The following PUS7L variants were observed in gnomAD, a reference collection of about 807,000 sequenced individuals.
PUS7L encodes the protein pseudouridine synthase 7 like, also known as pseudouridylate synthase PUS7L.
In PUS7L, 49 loss-of-function variants were observed where a neutral mutation model predicts 51.1. That is an observed-to-expected ratio of 0.96 (90% CI 0.76 to 1.22). The LOEUF (loss-of-function observed/expected upper bound fraction) is 1.22, where lower values mean the gene tolerates loss of function less well. PUS7L is among the 50% of genes most tolerant of loss of function. The pLI is 0.00. For missense variants in PUS7L, 828 were observed against 820.6 expected (o/e 1.01, Z -0.11); for synonymous variants, 277 against 276.2 (o/e 1.00, Z -0.03).
At chr12:43,734,791 G>GTAAA (rs1375056508) in intron 7 of PUS7L, among the ~76,000 whole-genome samples, 2 of 151,780 alleles carry the variant, frequency 1.3e-5, no homozygotes, top group Non-Finnish European at 2.9e-5. Context: ...TATAAAATGG[G>GTAAA]AATTAAAAAA....
rs957798908 is a variant in PUS7L, at chr12:43,749,330, C to T, written c.911-721G>A. On this transcript the variant is annotated intron_variant, in intron 2 of 8. Coordinates refer to ENST00000344862, the MANE Select transcript of PUS7L (RefSeq NM_031292.5). The stretch of plus-strand genomic sequence containing the variant: ...TGTTCCCCTTGTATGTTCATTGCAG[C>T]GCTATTCAGAATACCGAAGACATGG... Among the ~76,000 whole-genome samples, 7 of 152,186 alleles carry T rather than the reference C, an allele frequency of 4.6e-5. No individual in the cohort carries two copies. The South Asian group carries it at 6.2e-4, about 14-fold the overall frequency.
rs934178439 is a variant in PUS7L, at chr12:43,722,372, G to A, written c.*8004C>T. The A allele has an allele frequency of 6.6e-6, 1 of 151,978 alleles. No individual in the cohort carries two copies. Among genetic ancestry groups the A allele is most frequent in the Non-Finnish European group, 1.5e-5 (1 of 67,960 alleles). The allele number at this position is 151,978 out of a possible 1,614,324, so 9.4% of individuals were successfully genotyped here. On this transcript the variant is annotated 3_prime_UTR_variant, in exon 9 of 9. Transcript: ENST00000344862. ...TGGACTGACTAGAGTGAAAAACGAA[G>A]GCCACCCAGTTAGAACATTATTATA...
At chr12:43,753,340 C>G (rs1938544908) in intron 2 of PUS7L, among the ~76,000 whole-genome samples, 2 of 152,234 alleles carry the variant, frequency 1.3e-5, no homozygotes, top group Admixed American at 1.3e-4. Context: ...TTATTCTTCC[C>G]ATTTTTACAT....
intron 4 of PUS7L, among the ~76,000 whole-genome samples, chr12:43,743,335 G>A (rs769270762): frequency 6.6e-6 from 1 of 152,242 alleles, no homozygotes; most frequent in Non-Finnish European, 1.5e-5. Flanking sequence ...CTTACTTTAT[G>A]AGGAGAGTAT....
chr12:43,749,717 C>T (rs7956245), intron 2 of PUS7L, among the ~76,000 whole-genome samples: 19,962 of 152,068 alleles, frequency 0.13, 2,426 homozygotes, highest in African/African-American at 0.32. Context: ...TACACAGCCA[C>T]TAAAAAGAAA....
rs1263627683 is a variant in PUS7L at position 43,730,041 on chromosome 12, T to G, written c.*335A>C. On this transcript the variant is annotated 3_prime_UTR_variant, in exon 9 of 9. Coordinates refer to ENST00000344862, the MANE Select transcript of PUS7L (RefSeq NM_031292.5). Reference sequence around the variant, plus strand: ...AGCAAGGAGCTGGAGGATATGAATATTCACAACTTTTTTTCTTAAATGTTA... The same window carrying G: ...AGCAAGGAGCTGGAGGATATGAATAGTCACAACTTTTTTTCTTAAATGTTA... 5.1e-6 allele frequency: 1 copy of G among 195,528 alleles called. No homozygotes were observed. Among genetic ancestry groups the G allele is most frequent in the African/African-American group, 2.3e-5 (1 of 43,032 alleles). 12.1% of individuals were successfully genotyped at this position (195,528 alleles called of 1,614,324 possible).
chr12:43,748,710 A>T, intron 2 of PUS7L, 101 bp from the exon 3 acceptor site: 1 of 991,982 alleles, frequency 1.0e-6, no homozygotes, highest in Non-Finnish European at 1.4e-6. Context: ...CTATTAATCT[A>T]AGGAGTTTTG....
rs1241131848 is a variant in PUS7L at position 43,722,438 on chromosome 12, G to A, written c.*7938C>T. On this transcript the variant is annotated 3_prime_UTR_variant, in exon 9 of 9. Transcript: ENST00000344862. The stretch of plus-strand genomic sequence containing the variant: ...AAGACATAAAAAATAGTCATCAAAT[G>A]TTTTCAATGCATTGGGATAATGCTC... 1.3e-5 allele frequency: 2 copies of A among 152,042 alleles called. No homozygotes were observed. The highest frequency in any genetic ancestry group is 3.8e-4 in the East Asian group (2 of 5,200). The allele number at this position is 152,042 out of a possible 1,614,324, so 9.4% of individuals were successfully genotyped here.
intron 2 of PUS7L, among the ~76,000 whole-genome samples, chr12:43,751,584 A>G (rs1225995471): frequency 6.6e-6 from 1 of 151,988 alleles, no homozygotes; most frequent in Non-Finnish European, 1.5e-5. Flanking sequence ...CATTTTCTTA[A>G]TCCAGTCTAT....
chr12:43,755,546 A>G (rs895294976), intron 1 of PUS7L, among the ~76,000 whole-genome samples: 1 of 152,224 alleles, frequency 6.6e-6, no homozygotes, highest in African/African-American at 2.4e-5. Context: ...GATTAAAATG[A>G]GTCAATTTTA....
rs890560772 is a variant in PUS7L at position 43,723,454 on chromosome 12, A to T, written c.*6922T>A. The T allele has an allele frequency of 6.6e-6, 1 of 152,140 alleles. No homozygotes were observed. Among genetic ancestry groups the T allele is most frequent in the African/African-American group, 2.4e-5 (1 of 41,456 alleles). The allele number at this position is 152,140 out of a possible 1,614,324, so 9.4% of individuals were successfully genotyped here. ...AGTATCATTTAAGGATTTAGAATGG[A>T]GTGCTGAGAGGTCAAGTAACATATT... On this transcript the variant is annotated 3_prime_UTR_variant, in exon 9 of 9. Transcript: ENST00000344862.
rs1432017205 is a variant in PUS7L, at chr12:43,719,177, A to G, written c.*11199T>C. 1 of 152,118 alleles carries G rather than the reference A, an allele frequency of 6.6e-6. No homozygotes were observed. Among genetic ancestry groups the G allele is most frequent in the Admixed American group, 6.5e-5 (1 of 15,276 alleles). 9.4% of individuals were successfully genotyped at this position (152,118 alleles called of 1,614,324 possible). A position where few individuals can be genotyped will look rare whatever the true frequency, so the allele number is the denominator to read the frequency against. On this transcript the variant is annotated 3_prime_UTR_variant, in exon 9 of 9. Transcript: ENST00000344862. ...AAACACACACTGAAATAGAGATGCA[A>G]AAATCCTAAACAAAATATTAACAAA...
At chr12:43,758,643 C>A in intron 1 of PUS7L, 87 bp downstream of exon 1, 1 of 875,762 alleles carries the variant, frequency 1.1e-6, no homozygotes, top group Non-Finnish European at 1.3e-6. Flanking sequence ...ATCCTCAATG[C>A]CAACCTCGTC....
rs1462095536 is a variant in PUS7L at position 43,758,308 on chromosome 12, A to C, written c.-17+422T>G. 4.1e-6 allele frequency: 4 copies of C among 985,358 alleles called. No individual in the cohort carries two copies. The African/African-American group carries it at 7.0e-5, about 17-fold the overall frequency. The allele number at this position is 985,358 out of a possible 1,614,324, so 61.0% of individuals were successfully genotyped here. A position where few individuals can be genotyped will look rare whatever the true frequency, so the allele number is the denominator to read the frequency against. ...GACCTGGAGGACAGCAAAGGAGCCC[A>C]CGTGGCGTTAAGCCTGAAGGTGCAG... On this transcript the variant is annotated intron_variant, in intron 1 of 8. Transcript: ENST00000344862.
Position 43,727,484 on chromosome 12 carries a change from C to G in PUS7L, c.*2892G>C, listed in dbSNP as rs897683785. On this transcript the variant is annotated 3_prime_UTR_variant, in exon 9 of 9. Transcript: ENST00000344862. The stretch of plus-strand genomic sequence containing the variant: ...TAAAGAAAATGTAGTACATGTATAC[C>G]AGATAATACTACACAGTCATAAAAA... The G allele has an allele frequency of 6.6e-6, 1 of 152,100 alleles. No homozygotes were observed. Among genetic ancestry groups the G allele is most frequent in the Admixed American group, 6.5e-5 (1 of 15,268 alleles). The allele number at this position is 152,100 out of a possible 1,614,324, so 9.4% of individuals were successfully genotyped here. A position where few individuals can be genotyped will look rare whatever the true frequency, so the allele number is the denominator to read the frequency against.
chr12:43,724,518 T>A lies in PUS7L; in HGVS notation c.*5858A>T, dbSNP rs532227086. 6.6e-6 allele frequency: 1 copy of A among 152,108 alleles called. No homozygotes were observed. The highest frequency in any genetic ancestry group is 2.4e-5 in the African/African-American group (1 of 41,444). The allele number at this position is 152,108 out of a possible 1,614,324, so 9.4% of individuals were successfully genotyped here. ...TCATAAGACTTGCTAAAATCAACTA[T>A]CAGTAAAATTTTAAGATATAGCATG... On this transcript the variant is annotated 3_prime_UTR_variant, in exon 9 of 9. Coordinates refer to ENST00000344862, the MANE Select transcript of PUS7L (RefSeq NM_031292.5).
At chr12:43,730,943 T>A (rs1944539968) in intron 8 of PUS7L, among the ~76,000 whole-genome samples, 1 of 152,174 alleles carries the variant, frequency 6.6e-6, no homozygotes, top group Non-Finnish European at 1.5e-5. Flanking sequence ...AAATCAGATA[T>A]TATTAAACAA....
chr12:43,730,870 T>A (rs1210231956), intron 8 of PUS7L, among the ~76,000 whole-genome samples, 168 bp from the exon 9 acceptor site: 1 of 152,188 alleles, frequency 6.6e-6, no homozygotes, highest in Non-Finnish European at 1.5e-5. Context: ...ATGATATTTT[T>A]ATGCTGCCAA....
chr12:43,749,037 T>G (rs1208013352), intron 2 of PUS7L, among the ~76,000 whole-genome samples: 1 of 152,214 alleles, frequency 6.6e-6, no homozygotes, highest in Non-Finnish European at 1.5e-5. Flanking sequence ...GAGTACTTTT[T>G]AATGAAAATA....
Sources: allele counts gnomAD v4.1 joint callset (sites outside exome capture counted in the v4.1 genomes callset), GRCh38; gene constraint gnomAD v4.1.1; transcripts MANE v1.5; gene names NCBI Gene and HGNC (gene_info 2026-07-23, HGNC 2026-07-21).